Variants in C16orf96 observed in about 807,000 individuals in gnomAD.
C16orf96 encodes the protein chromosome 16 open reading frame 96.
A neutral mutation model predicts 103.6 loss-of-function variants in C16orf96; 108 were observed. That is an observed-to-expected ratio of 1.04 (90% CI 0.89 to 1.22). The LOEUF is 1.22. Ranked by LOEUF, C16orf96 falls within the 50% of genes most tolerant of loss-of-function variation. The pLI, the probability that C16orf96 is intolerant of heterozygous loss-of-function variation, is 0.00. For synonymous variants in C16orf96, 566 were observed against 593.5 expected (o/e 0.95, Z 0.67); for missense variants, 1,586 against 1,464.2 (o/e 1.08, Z -1.36).
At chr16:4,557,835 A>G (rs2059282676) in intron 1 of C16orf96, among the ~76,000 whole-genome samples, 1 of 152,104 alleles carries the variant, frequency 6.6e-6, no homozygotes, top group South Asian at 2.1e-4. Context: ...GCACCTGGCT[A>G]ATTTTTGTAT....
upstream of C16orf96, among the ~76,000 whole-genome samples, chr16:4,552,207 C>T (rs745401673): frequency 1.3e-5 from 2 of 152,046 alleles, no homozygotes; most frequent in Non-Finnish European, 2.9e-5. Flanking sequence ...GTTGGCCGGG[C>T]GCGGTGGCTC....
At chr16:4,590,725 A>T (rs970526853) in intron 9 of C16orf96, among the ~76,000 whole-genome samples, 6 of 150,770 alleles carry the variant, frequency 4.0e-5, no homozygotes, top group Non-Finnish European at 7.4e-5. Flanking sequence ...TGTACTAAAA[A>T]TACAAAGATT....
chr16:4,570,657 A>G (rs1016206530), intron 1 of C16orf96, among the ~76,000 whole-genome samples: 4 of 151,976 alleles, frequency 2.6e-5, no homozygotes, highest in African/African-American at 9.7e-5. Flanking sequence ...TAGTAGAAAC[A>G]GGGTTTCACC....
At chr16:4,583,337 A>C (rs1303938726) in intron 7 of C16orf96, among the ~76,000 whole-genome samples, 2 of 151,614 alleles carry the variant, frequency 1.3e-5, no homozygotes, top group Admixed American at 1.3e-4. Context: ...CCCATCGCTA[A>C]AAAAATAAAA....
At position 4,591,791 on chromosome 16, in the gene C16orf96, G is replaced by T. The variant is rs1315557000; in HGVS notation, c.2711+7G>T. 1 of 1,499,810 alleles carries T rather than the reference G, an allele frequency of 6.7e-7. No homozygotes were observed. The highest frequency in any genetic ancestry group is 8.9e-7 in the Non-Finnish European group (1 of 1,118,570). 92.9% of individuals were successfully genotyped at this position (1,499,810 alleles called of 1,614,324 possible). The stretch of plus-strand genomic sequence containing the variant: ...GTGCTGCTGGCTTTAGGAGGTGAGT[G>T]CCCGCCCGAGCCCCTCCTGGTAGGG... On this transcript the variant is annotated splice_region_variant and intron_variant, in intron 10 of 15. Coordinates refer to ENST00000444310, the MANE Select transcript of C16orf96 (RefSeq NM_001145011.2).
rs1444667354 is a variant in C16orf96 at position 4,567,387 on chromosome 16, C to A, written c.421-4174C>A. Among the ~76,000 whole-genome samples, 4 of 148,458 alleles carry A rather than the reference C, an allele frequency of 2.7e-5. No individual in the cohort carries two copies. The East Asian group carries it at 8.1e-4, about 30-fold the overall frequency. On this transcript the variant is annotated intron_variant, in intron 1 of 15. Transcript: ENST00000444310. ...CAAGCTCAGACTCCTGGGTTCACGC[C>A]ATTCTCCTGCCTCAGCCTCCCAAGT... is the stretch of plus-strand genomic sequence containing the variant.
chr16:4,598,363 A>G (rs1470024531), intron 14 of C16orf96, among the ~76,000 whole-genome samples: 1 of 74,738 alleles, frequency 1.3e-5, no homozygotes, highest in Non-Finnish European at 4.2e-5. Flanking sequence ...ACAAAAAAGA[A>G]AGAAAAAAGA....
intron 7 of C16orf96, among the ~76,000 whole-genome samples, chr16:4,580,985 G>A (rs1253840059): frequency 6.6e-6 from 1 of 151,560 alleles, no homozygotes; most frequent in East Asian, 1.9e-4. Context: ...TTAGCTGGGC[G>A]TGGTGGCGCA....
At chr16:4,547,894 C>G in the C16orf96 span, among the ~76,000 whole-genome samples, 1 of 151,412 alleles carries the variant, frequency 6.6e-6, no homozygotes, top group Non-Finnish European at 1.5e-5. Flanking sequence ...CCTTCCTCAG[C>G]TTCCTGGGTA....
At position 4,567,280 on chromosome 16, in the gene C16orf96, C is replaced by CTTT. The variant is rs71139642; in HGVS notation, c.421-4262_421-4260dup. ...ATTTCTTCTTTGACATATTTCTTTT[C>CTTT]TTTTTTTTTTTTTTTTTTTTTGAGA... On this transcript the variant is annotated intron_variant, in intron 1 of 15. Transcript: ENST00000444310. Among the ~76,000 whole-genome samples the CTTT allele has an allele frequency of 1.6e-3, 101 of 62,562 alleles. 5 individuals are homozygous for CTTT. The highest frequency in any genetic ancestry group is 5.2e-3 in the African/African-American group (88 of 16,878). The allele number at this position is 62,562 out of a possible 152,430, so 41.0% of individuals were successfully genotyped here. A position where few individuals can be genotyped will look rare whatever the true frequency, so the allele number is the denominator to read the frequency against.
At chr16:4,570,100 G>A (rs1222573124) in intron 1 of C16orf96, among the ~76,000 whole-genome samples, 1 of 98,082 alleles carries the variant, frequency 1.0e-5, no homozygotes, top group Non-Finnish European at 2.6e-5. Context: ...CCTTCCCCAA[G>A]CTAGAACTTT....
chr16:4,569,197 T>G (rs753841735), intron 1 of C16orf96, among the ~76,000 whole-genome samples: 4 of 151,616 alleles, frequency 2.6e-5, no homozygotes, highest in Non-Finnish European at 5.9e-5. Flanking sequence ...CTCAAACTCC[T>G]GAACTTCAGA....
chr16:4,543,202 A>C, the C16orf96 span, among the ~76,000 whole-genome samples: 1 of 152,218 alleles, frequency 6.6e-6, no homozygotes, highest in South Asian at 2.1e-4. Context: ...AAGGATGTGT[A>C]GGATTCCCCA....
chr16:4,594,468 G>C lies in C16orf96; in HGVS notation c.2985G>C (p.Thr995=). Residue 995 remains threonine, a synonymous_variant, in exon 13 of 16, where the codon ACG becomes ACC. Transcript: ENST00000444310. Reference sequence around the variant, plus strand: ...AGTGCAAGTCCTGCAACCTGTTGACGCTCTATCCCTACGGGGATCCCCACG... The same window carrying C: ...AGTGCAAGTCCTGCAACCTGTTGACCCTCTATCCCTACGGGGATCCCCACG... ...SLKCKSCNLL[T]LYPYGDPHVI... 2 of 1,551,542 alleles carry C rather than the reference G, an allele frequency of 1.3e-6. No homozygotes were observed. Among genetic ancestry groups the C allele is most frequent in the Non-Finnish European group, 1.7e-6 (2 of 1,147,000 alleles).
At chr16:4,550,211 A>G in the C16orf96 span, among the ~76,000 whole-genome samples, 16 of 151,866 alleles carry the variant, frequency 1.1e-4, no homozygotes, top group Non-Finnish European at 2.4e-4. Context: ...CAGCCTCCCA[A>G]GTAGCTAGGA....
the C16orf96 span, among the ~76,000 whole-genome samples, chr16:4,542,646 A>G: frequency 1.3e-5 from 2 of 151,910 alleles, no homozygotes; most frequent in Non-Finnish European, 2.9e-5. Context: ...AAAATACAAA[A>G]AATTAGCTTG....
chr16:4,592,320 C>T lies in C16orf96; in HGVS notation c.2727C>T (p.Arg909=), dbSNP rs374041559. The part of the protein sequence containing the change: ...AAGFRRKLFK[R]VKCISCDRPV... ...TGCCTTTCAGGAAGCTGTTCAAGCG[C>T]GTGAAGTGCATCTCCTGTGACCGGC... Residue 909 remains arginine, a synonymous_variant, in exon 11 of 16, where the codon CGC becomes CGT. Coordinates refer to ENST00000444310, the MANE Select transcript of C16orf96 (RefSeq NM_001145011.2). 2.5e-5 allele frequency: 39 copies of T among 1,551,550 alleles called. No individual in the cohort carries two copies. Among genetic ancestry groups the T allele is most frequent in the African/African-American group, 2.1e-4 (15 of 73,054 alleles).
rs1226954430 is a variant in C16orf96, at chr16:4,576,422, C to G, written c.1942C>G (p.Leu648Val). 22 of 1,551,078 alleles carry G rather than the reference C, an allele frequency of 1.4e-5. No homozygotes were observed. Among genetic ancestry groups the G allele is most frequent in the Non-Finnish European group, 1.7e-5 (19 of 1,147,018 alleles). ...CGATGATTCCGAAATCTACGAAATC[C>G]TCTCTCCCTCCTACTCTGCTGCCAG... ...LGDDSEIYEI[L>V]SPSYSAASIG... is the part of the protein sequence containing the mutation. Residue 648 changes from leucine (L) to valine (V), a missense_variant, in exon 5 of 16, where the codon CTC (leucine) becomes GTC (valine). Physicochemically the swap from Leu to Val is conservative, Grantham distance 32. Transcript: ENST00000444310.
At chr16:4,578,400 C>T (rs1430757814) in intron 5 of C16orf96, among the ~76,000 whole-genome samples, 2 of 152,032 alleles carry the variant, frequency 1.3e-5, no homozygotes, top group African/African-American at 4.8e-5. Flanking sequence ...GCCTCGGCCT[C>T]CCACAGTGTT....
Sources: gnomAD v4.1 joint callset for allele counts (sites outside exome capture counted in the v4.1 genomes callset) on GRCh38, gnomAD v4.1.1 for gene constraint, MANE v1.5 for transcripts, NCBI Gene and HGNC (gene_info 2026-07-23, HGNC 2026-07-21) for gene names.